The following ECPAS variants were observed in gnomAD, a reference collection of about 807,000 sequenced individuals.
The protein encoded by ECPAS is proteasome adapter and scaffold protein ECM29.
A neutral mutation model predicts 255.1 loss-of-function variants in ECPAS; 70 were observed. The ratio of observed to expected loss-of-function variants is 0.27; its 90% CI spans 0.23 to 0.33. The LOEUF is 0.33. Among genes scored for constraint, ECPAS ranks in the 10% least tolerant of loss-of-function variants. The pLI, the probability that ECPAS is intolerant of heterozygous loss-of-function variation, is 1.00. For missense variants in ECPAS, 1,817 were observed against 2,206.4 expected (o/e 0.82, Z 3.54); for synonymous variants, 784 against 775.0 (o/e 1.01, Z -0.19).
At position 111,420,017 on chromosome 9, in the gene ECPAS, G is replaced by A. The variant is rs866956418; in HGVS notation, c.1559C>T (p.Pro520Leu). The A allele has an allele frequency of 1.1e-5, 17 of 1,599,956 alleles. No homozygotes were observed. Among genetic ancestry groups the A allele is most frequent in the South Asian group, 2.2e-5 (2 of 90,788 alleles). The stretch of plus-strand genomic sequence containing the variant: ...CAAATTAACACCTTTTGAAACTTAC[G>A]GATCTCCTGCAGCCAGTAGCAGCAA... ...RYLLLLAAGDPREEVHGEAQR... is the reference protein window; with the variant it reads ...RYLLLLAAGDLREEVHGEAQR... The change falls in exon 16 of 50, where the codon CCA becomes CTA. Residue 520 changes from proline (P) to leucine (L), a missense_variant and splice_region_variant. Coordinates refer to ENST00000684092, the MANE Select transcript of ECPAS (RefSeq NM_001364929.1).
chr9:111,462,765 CAG>C (rs1397572078), intron 2 of ECPAS, among the ~76,000 whole-genome samples: 11 of 118,998 alleles, frequency 9.2e-5, no homozygotes, highest in African/African-American at 2.4e-4. Flanking sequence ...TTTTTTGAGA[CAG>C]AGTTTCACTC....
At chr9:111,484,088 C>A in intron 1 of ECPAS, 28 bp downstream of exon 1, 1 of 1,270,270 alleles carries the variant, frequency 7.9e-7, no homozygotes, top group Admixed American at 4.0e-5. Flanking sequence ...AGGGCCAGTC[C>A]CCCGCGGCCC....
intron 2 of ECPAS, among the ~76,000 whole-genome samples, chr9:111,466,608 TAACTA>T (rs2098279857): frequency 7.2e-6 from 1 of 139,712 alleles, no homozygotes; most frequent in Admixed American, 7.6e-5. Flanking sequence ...AAAATATAAA[TAACTA>T]AATACACACA....
chr9:111,414,411 C>T lies in ECPAS; in HGVS notation c.1987+18G>A, dbSNP rs368071287. The T allele has an allele frequency of 8.9e-5, 143 of 1,600,726 alleles. No individual in the cohort carries two copies. The highest frequency in any genetic ancestry group is 1.2e-4 in the Non-Finnish European group (136 of 1,168,878). On this transcript the variant is annotated intron_variant, in intron 19 of 49. Transcript: ENST00000684092. ...CTTAAGTGCTTCAGTATCTTTCCTT[C>T]GCGTCACATATTCCTACCTCCAACA... is the stretch of plus-strand genomic sequence containing the variant.
At chr9:111,467,158 C>T (rs755876452) in intron 2 of ECPAS, among the ~76,000 whole-genome samples, 4 of 151,722 alleles carry the variant, frequency 2.6e-5, no homozygotes, top group Admixed American at 6.6e-5. Context: ...ACTTATTTTT[C>T]CCTCACATCA....
At chr9:111,436,872 G>T in intron 7 of ECPAS, 68 bp downstream of exon 7, 2 of 1,317,686 alleles carry the variant, frequency 1.5e-6, no homozygotes, top group Non-Finnish European at 2.1e-6. Flanking sequence ...TGTTTTATAC[G>T]GTTCATGAAC....
chr9:111,363,324 G>C (rs1268294434), intron 49 of ECPAS, among the ~76,000 whole-genome samples: 1 of 152,060 alleles, frequency 6.6e-6, no homozygotes, highest in South Asian at 2.1e-4. Flanking sequence ...ATTAAATCAG[G>C]ATTCACGATG....
chr9:111,444,978 G>A (rs2098250912), intron 3 of ECPAS, among the ~76,000 whole-genome samples: 2 of 147,602 alleles, frequency 1.4e-5, no homozygotes, highest in South Asian at 4.3e-4. Flanking sequence ...ACAGGCGTAA[G>A]CCACTGCTCC....
intron 8 of ECPAS, among the ~76,000 whole-genome samples, chr9:111,432,860 A>C (rs182143947): frequency 2.6e-5 from 4 of 152,340 alleles, no homozygotes; most frequent in Admixed American, 1.3e-4. Flanking sequence ...TATTAACCAT[A>C]ATACATACAT....
chr9:111,437,645 G>A (rs941958278), intron 6 of ECPAS, among the ~76,000 whole-genome samples: 15 of 151,962 alleles, frequency 9.9e-5, no homozygotes, highest in African/African-American at 3.1e-4. Flanking sequence ...TACCACATAA[G>A]CACATAAAGT....
Position 111,483,453 on chromosome 9 carries a change from C to G in ECPAS, c.-83+663G>C, listed in dbSNP as rs577867385. On this transcript the variant is annotated intron_variant, in intron 1 of 49. Coordinates refer to ENST00000684092, the MANE Select transcript of ECPAS (RefSeq NM_001364929.1). ...TCATGCGGCCGCCGGCCCCCGGCAC[C>G]GCGCGGCGCCCGTTCCGGCTCGCGG... The G allele has an allele frequency of 2.1e-4, 203 of 957,594 alleles. 2 individuals are homozygous for G. The East Asian group carries it at 0.013, about 61-fold the overall frequency. 59.3% of individuals were successfully genotyped at this position (957,594 alleles called of 1,614,324 possible). A position where few individuals can be genotyped will look rare whatever the true frequency, so the allele number is the denominator to read the frequency against.
rs769432688 is a variant in ECPAS at position 111,413,995 on chromosome 9, G to C, written c.1988-9C>G. 1.3e-6 allele frequency: 2 copies of C among 1,544,142 alleles called. No homozygotes were observed. The highest frequency in any genetic ancestry group is 1.8e-6 in the Non-Finnish European group (2 of 1,138,736). On this transcript the variant is annotated splice_polypyrimidine_tract_variant and intron_variant, in intron 19 of 49. Transcript: ENST00000684092. ...GTACATAACCGGCAAACCTAAATAAGAATTCAGAATCACCTTAAATTTCAA... is the reference window on the plus strand; with the variant it reads ...GTACATAACCGGCAAACCTAAATAACAATTCAGAATCACCTTAAATTTCAA...
chr9:111,391,979 A>G (rs939332492), intron 28 of ECPAS, among the ~76,000 whole-genome samples, 155 bp from the exon 29 acceptor site: 3 of 151,926 alleles, frequency 2.0e-5, no homozygotes, highest in Non-Finnish European at 2.9e-5. Context: ...GGTGGCTCAC[A>G]CCTATAATCC....
At chr9:111,474,509 T>C (rs930972795) in intron 1 of ECPAS, among the ~76,000 whole-genome samples, 1 of 152,222 alleles carries the variant, frequency 6.6e-6, no homozygotes, top group African/African-American at 2.4e-5. Context: ...TTGCTGCTCT[T>C]GATCTCCGGA....
At chr9:111,469,637 C>T (rs2098284190) in intron 2 of ECPAS, among the ~76,000 whole-genome samples, 1 of 150,714 alleles carries the variant, frequency 6.6e-6, no homozygotes, top group African/African-American at 2.4e-5. Flanking sequence ...AGTGAAACCC[C>T]ATCTCTACTA....
chr9:111,428,814 TTATACTATA>T, intron 9 of ECPAS, among the ~76,000 whole-genome samples: 2 of 152,358 alleles, frequency 1.3e-5, no homozygotes, highest in South Asian at 4.1e-4. Context: ...TTGTATACTC[TTATACTATA>T]TTCCACTGGT....
chr9:111,416,499 C>G, intron 17 of ECPAS, 147 bp from the exon 18 acceptor site: 1 of 638,666 alleles, frequency 1.6e-6, no homozygotes, highest in South Asian at 1.9e-5. Context: ...TCCTATTAAC[C>G]ATGCTGATCG....
chr9:111,439,086 A>C (rs1476758270), intron 6 of ECPAS, among the ~76,000 whole-genome samples: 2 of 152,222 alleles, frequency 1.3e-5, no homozygotes, highest in Non-Finnish European at 2.9e-5. Flanking sequence ...CAAGGGGCTC[A>C]CCATCTACTA....
At position 111,366,506 on chromosome 9, in the gene ECPAS, C is replaced by A; in HGVS notation, c.5219+16G>T. On this transcript the variant is annotated intron_variant, in intron 47 of 49. Coordinates refer to ENST00000684092, the MANE Select transcript of ECPAS (RefSeq NM_001364929.1). ...GGGAGGAACAAAATAAAAAACTGAG[C>A]CATGAAGCAATTTACCCCTGAAAAA... is the stretch of plus-strand genomic sequence containing the variant. The A allele has an allele frequency of 1.3e-6, 2 of 1,574,372 alleles. No individual in the cohort carries two copies. Among genetic ancestry groups the A allele is most frequent in the Non-Finnish European group, 1.7e-6 (2 of 1,144,462 alleles).
Sources: allele counts gnomAD v4.1 joint callset (sites outside exome capture counted in the v4.1 genomes callset), GRCh38; gene constraint gnomAD v4.1.1; transcripts MANE v1.5; gene names NCBI Gene and HGNC (gene_info 2026-07-23, HGNC 2026-07-21).